GFPT2: variants seen among roughly 807,000 people sequenced by gnomAD.
The protein encoded by GFPT2 is glutamine--fructose-6-phosphate transaminase 2, also known as glutamine--fructose-6-phosphate aminotransferase [isomerizing] 2.
GFPT2 carries 62 observed loss-of-function variants against 85.6 expected under a neutral mutation model. The ratio of observed to expected loss-of-function variants is 0.72; its 90% CI spans 0.59 to 0.90. GFPT2 has a LOEUF of 0.90. Among genes scored for constraint, GFPT2 ranks in the 40% least tolerant of loss-of-function variants. GFPT2 has a pLI of 0.00. For missense variants in GFPT2, 788 were observed against 893.4 expected, an observed-to-expected ratio of 0.88 and a Z score of 1.50; for synonymous variants, 368 against 344.5, an observed-to-expected ratio of 1.07 and a Z score of -0.75.
chr5:180,315,477 C>T (rs531517120), intron 13 of GFPT2, among the ~76,000 whole-genome samples: 1 of 151,758 alleles, frequency 6.6e-6, no homozygotes, highest in African/African-American at 2.4e-5. Context: ...CGCGCCCGGC[C>T]GGTTATATGT....
intron 15 of GFPT2, among the ~76,000 whole-genome samples, chr5:180,308,129 G>A (rs11249697): frequency 0.03 from 4,513 of 152,024 alleles, 167 homozygotes; most frequent in African/African-American, 0.09. Context: ...GGTGGCGGGC[G>A]CCTGTAGTCC....
intron 5 of GFPT2, among the ~76,000 whole-genome samples, chr5:180,331,199 C>T (rs1260904183): frequency 6.6e-6 from 1 of 152,222 alleles, no homozygotes; most frequent in Non-Finnish European, 1.5e-5. Flanking sequence ...CGCCGGTATA[C>T]GAGTCGCTGT....
intron 3 of GFPT2, 103 bp from the exon 4 acceptor site, chr5:180,336,056 G>T: frequency 8.8e-7 from 1 of 1,138,122 alleles, no homozygotes; most frequent in Non-Finnish European, 1.2e-6. Flanking sequence ...CACCCACACC[G>T]ATGGCACCTC....
rs2127651980 is a variant in GFPT2 at position 180,323,074 on chromosome 5, T to G, written c.794+1114A>C. 6.6e-6 allele frequency among the ~76,000 whole-genome samples: 1 copy of G among 152,240 alleles called. No individual in the cohort carries two copies. Among genetic ancestry groups the G allele is most frequent in the African/African-American group, 2.4e-5 (1 of 41,548 alleles). Reference sequence around the variant, plus strand: ...TAAAAAAAGAAACATCTATCATATTTCATTGAATATAAGTTACTATTGATC... The same window carrying G: ...TAAAAAAAGAAACATCTATCATATTGCATTGAATATAAGTTACTATTGATC... On this transcript the variant is annotated intron_variant, in intron 9 of 18. Coordinates refer to ENST00000253778, the MANE Select transcript of GFPT2 (RefSeq NM_005110.4). This position sits in a 1 kb window ranked among gnomAD's most constrained non-coding sequence, Gnocchi z 4.0.
chr5:180,313,881 TGCCCACGGTGTTGGTGAC>T lies in GFPT2; in HGVS notation c.1339_1356del (p.Val447_Gly452del). 1.2e-6 allele frequency: 2 copies of T among 1,606,630 alleles called. No homozygotes were observed. The highest frequency in any genetic ancestry group is 1.7e-6 in the Non-Finnish European group (2 of 1,179,184). ...CAGTCGGTCTCGCGAGAGATGGAGC[TGCCCACGGTGTTGGTGAC>T]GCCCACGGTGAGAGCGCCGCGGTCC... is the stretch of plus-strand genomic sequence containing the variant. On this transcript the variant is annotated inframe_deletion, in exon 14 of 19. Coordinates refer to ENST00000253778, the MANE Select transcript of GFPT2 (RefSeq NM_005110.4).
rs367983752 is a variant in GFPT2 at position 180,307,269 on chromosome 5, C to T, written c.1581G>A (p.Lys527=). ...LIKEVLSLEE[K]IHDLALELYT... is the part of the protein sequence containing the mutation. ...AGAGCTCCAGGGCCAAGTCGTGGATCTTCTCCTCCAGAGACAGCACTTCCT... is the reference window on the plus strand; with the variant it reads ...AGAGCTCCAGGGCCAAGTCGTGGATTTTCTCCTCCAGAGACAGCACTTCCT... The change falls in exon 16 of 19, where the codon AAG becomes AAA. Residue 527 remains lysine (K), a synonymous_variant. Transcript: ENST00000253778. 43 of 1,607,336 alleles carry T rather than the reference C, an allele frequency of 2.7e-5. No homozygotes were observed. The highest frequency in any genetic ancestry group is 3.1e-5 in the Non-Finnish European group (37 of 1,177,192).
chr5:180,319,750 CA>C (rs1162347533), intron 9 of GFPT2, among the ~76,000 whole-genome samples: 4 of 151,538 alleles, frequency 2.6e-5, no homozygotes, highest in African/African-American at 9.7e-5. Context: ...GTAGTCTTGC[CA>C]AAAAAAATCA....
chr5:180,336,903 T>C (rs1764412959), intron 2 of GFPT2, among the ~76,000 whole-genome samples: 1 of 152,280 alleles, frequency 6.6e-6, no homozygotes, highest in African/African-American at 2.4e-5. Flanking sequence ...GCAGGGCATT[T>C]ATCCCAAGGG....
chr5:180,340,537 A>G (rs1581388387), intron 1 of GFPT2, among the ~76,000 whole-genome samples: 4 of 72,546 alleles, frequency 5.5e-5, no homozygotes, highest in Non-Finnish European at 7.7e-5. Flanking sequence ...TTTGAGACGG[A>G]GTCTAGCTCT....
At position 180,334,377 on chromosome 5, in the gene GFPT2, C is replaced by T. The variant is rs529083539; in HGVS notation, c.340+1451G>A. On this transcript the variant is annotated intron_variant, in intron 4 of 18. Coordinates refer to ENST00000253778, the MANE Select transcript of GFPT2 (RefSeq NM_005110.4). ...GGGAGAAGCAGCACCACTGCACTTT[C>T]TGTGGGTGGTGGGGGTGCCTGCCCA... is the stretch of plus-strand genomic sequence containing the variant. Among the ~76,000 whole-genome samples the T allele has an allele frequency of 4.7e-4, 72 of 152,346 alleles. 1 individual carries two copies. Among genetic ancestry groups the T allele is most frequent in the African/African-American group, 1.7e-3 (70 of 41,572 alleles).
chr5:180,341,170 A>G (rs1764507513), intron 1 of GFPT2, among the ~76,000 whole-genome samples: 2 of 152,144 alleles, frequency 1.3e-5, no homozygotes, highest in South Asian at 4.1e-4. Flanking sequence ...AAACACTCCT[A>G]CCCACTGGCC....
At chr5:180,313,988 T>C (rs764031517) in intron 13 of GFPT2, 24 bp from the exon 14 acceptor site, 3 of 1,573,882 alleles carry the variant, frequency 1.9e-6, no homozygotes, top group Non-Finnish European at 2.6e-6. Context: ...GCCCTCTCAG[T>C]GCCGCGCTCC....
intron 1 of GFPT2, chr5:180,352,963 T>A: frequency 1.0e-5 from 4 of 398,254 alleles, no homozygotes; most frequent in African/African-American, 2.1e-5. Flanking sequence ...TCGGTCCCCC[T>A]CACTGTGTCC....
chr5:180,304,635 C>G (rs888922), intron 17 of GFPT2, 137 bp downstream of exon 17: 486,779 of 793,302 alleles, frequency 0.61, 151,931 homozygotes, highest in East Asian at 0.83. Context: ...TCCCCACAGG[C>G]GGCCCGGGGG....
At chr5:180,316,727 T>C in intron 12 of GFPT2, 37 bp downstream of exon 12, 1 of 1,423,346 alleles carries the variant, frequency 7.0e-7, no homozygotes, top group South Asian at 1.2e-5. Context: ...GGTCCTAGAC[T>C]GCCGTCGACT....
chr5:180,338,711 T>G, intron 1 of GFPT2, 111 bp from the exon 2 acceptor site: 1 of 645,930 alleles, frequency 1.5e-6, no homozygotes, highest in East Asian at 2.8e-5. Context: ...CCCAGGGGCT[T>G]GCAGAGGTGG....
intron 17 of GFPT2, among the ~76,000 whole-genome samples, chr5:180,303,839 A>G (rs1442376950): frequency 1.3e-5 from 2 of 152,050 alleles, no homozygotes; most frequent in African/African-American, 4.8e-5. Flanking sequence ...CTTGGACTAT[A>G]CCTAACTTTA....
intron 1 of GFPT2, chr5:180,352,986 C>T: frequency 5.1e-6 from 2 of 389,724 alleles, no homozygotes; most frequent in Non-Finnish European, 9.0e-6. Flanking sequence ...GACCAGGAGT[C>T]GGGTTGGGCA....
rs1356728752 is a variant in GFPT2, at chr5:180,303,146, C to T, written c.1843-562G>A. Among the ~76,000 whole-genome samples the T allele has an allele frequency of 3.4e-5, 5 of 148,158 alleles. 1 individual carries two copies. The highest frequency in any genetic ancestry group is 6.0e-5 in the Non-Finnish European group (4 of 66,558). Reference sequence around the variant, plus strand: ...TGGGGAGGCTGAGGCAGGAGAATGGCGTGAACCTGGGAGGCGGAGCTTGCA... The same window carrying T: ...TGGGGAGGCTGAGGCAGGAGAATGGTGTGAACCTGGGAGGCGGAGCTTGCA... On this transcript the variant is annotated intron_variant, in intron 17 of 18. Coordinates refer to ENST00000253778, the MANE Select transcript of GFPT2 (RefSeq NM_005110.4).
Sources: allele counts gnomAD v4.1 joint callset (sites outside exome capture counted in the v4.1 genomes callset), GRCh38; gene constraint gnomAD v4.1.1; non-coding constraint Gnocchi (gnomAD v3.1); transcripts MANE v1.5; gene names NCBI Gene and HGNC (gene_info 2026-07-23, HGNC 2026-07-21).